The following SNX13 variants were observed in gnomAD, a reference collection of about 807,000 sequenced individuals.
The protein encoded by SNX13 is sorting nexin 13, also known as sorting nexin-13.
A neutral mutation model predicts 133.6 loss-of-function variants in SNX13; 45 were observed. The observed-to-expected ratio is 0.34, with a 90% CI of 0.27 to 0.43. The LOEUF is 0.43. Among genes scored for constraint, SNX13 ranks in the 20% least tolerant of loss-of-function variants. The pLI, the probability that SNX13 is intolerant of heterozygous loss-of-function variation, is 1.00. For missense variants in SNX13, 1,032 were observed against 1,145.1 expected (o/e 0.90, Z 1.43); for synonymous variants, 414 against 373.9 (o/e 1.11, Z -1.24).
At position 17,893,295 on chromosome 7, in the gene SNX13, T is replaced by C. The variant is rs781473006; in HGVS notation, c.228+37A>G. ...TTACTCTATTATCATTGCAAAGAAC[T>C]GGACTTTGAGGTTTTATATTCCCTC... On this transcript the variant is annotated intron_variant, in intron 3 of 25. Transcript: ENST00000428135. 5 of 1,372,336 alleles carry C rather than the reference T, an allele frequency of 3.6e-6. No homozygotes were observed. The African/African-American group carries it at 5.8e-5, about 16-fold the overall frequency. 85.0% of individuals were successfully genotyped at this position (1,372,336 alleles called of 1,614,324 possible).
At chr7:17,861,660 T>A (rs1316614185) in intron 9 of SNX13, among the ~76,000 whole-genome samples, 1 of 152,162 alleles carries the variant, frequency 6.6e-6, no homozygotes, top group Non-Finnish European at 1.5e-5. Flanking sequence ...GATGGACATG[T>A]GTACAACTTC....
chr7:17,916,895 A>C lies in SNX13; in HGVS notation c.13-19449T>G, dbSNP rs549132535. On this transcript the variant is annotated intron_variant, in intron 1 of 25. Transcript: ENST00000428135. ...CTATAGGCCAATATCCCTTATGAAC[A>C]CAGATGCAAAAATCCTCAACAAAAT... Among the ~76,000 whole-genome samples, 72 of 152,306 alleles carry C rather than the reference A, an allele frequency of 4.7e-4. 1 individual carries two copies. The South Asian group carries it at 0.014, about 30-fold the overall frequency.
At chr7:17,803,839 A>G (rs1172688405) in intron 20 of SNX13, among the ~76,000 whole-genome samples, 1 of 145,296 alleles carries the variant, frequency 6.9e-6, no homozygotes, top group African/African-American at 2.5e-5. Flanking sequence ...TGAATCCAGG[A>G]GTTTGAGACC....
chr7:17,860,423 T>C (rs1162541841), intron 9 of SNX13, among the ~76,000 whole-genome samples: 4 of 152,212 alleles, frequency 2.6e-5, no homozygotes, highest in Non-Finnish European at 4.4e-5. Context: ...TTTCTCCCAT[T>C]GTATAGGGTA....
At chr7:17,923,096 A>G (rs964552586) in intron 1 of SNX13, among the ~76,000 whole-genome samples, 1 of 152,226 alleles carries the variant, frequency 6.6e-6, no homozygotes, top group Non-Finnish European at 1.5e-5. Context: ...ACACTCATTT[A>G]AAATATTTAA....
intron 1 of SNX13, among the ~76,000 whole-genome samples, chr7:17,907,570 T>C (rs192379643): frequency 5.3e-5 from 8 of 152,242 alleles, no homozygotes; most frequent in Admixed American, 4.6e-4. Context: ...ATCGGTGGAA[T>C]TGCACACCTG....
intron 1 of SNX13, among the ~76,000 whole-genome samples, chr7:17,937,253 A>T (rs1802197941): frequency 6.6e-6 from 1 of 152,096 alleles, no homozygotes; most frequent in African/African-American, 2.4e-5. Flanking sequence ...CAATGTACAT[A>T]TTAGTTTGCT....
intron 13 of SNX13, among the ~76,000 whole-genome samples, chr7:17,836,115 A>C (rs1337656424): frequency 6.6e-6 from 1 of 152,038 alleles, no homozygotes; most frequent in African/African-American, 2.4e-5. Flanking sequence ...TCAAGTATAC[A>C]GAATAGATTA....
At chr7:17,851,477 T>C (rs570804771) in intron 9 of SNX13, among the ~76,000 whole-genome samples, 2 of 152,130 alleles carry the variant, frequency 1.3e-5, no homozygotes, top group Non-Finnish European at 2.9e-5. Context: ...AAGTGAAATA[T>C]AATATAGTCA....
chr7:17,856,923 CTA>C (rs1223691120), intron 9 of SNX13, among the ~76,000 whole-genome samples: 1 of 150,674 alleles, frequency 6.6e-6, no homozygotes, highest in African/African-American at 2.4e-5. Context: ...GAAATTGAGA[CTA>C]AGAAAACAAT....
intron 8 of SNX13, among the ~76,000 whole-genome samples, chr7:17,871,341 G>A (rs747880779): frequency 1.6e-4 from 24 of 152,172 alleles, no homozygotes; most frequent in Admixed American, 1.1e-3. Flanking sequence ...AAGGACATGA[G>A]AGGCAGGGAG....
chr7:17,880,632 G>A (rs1305039187), intron 5 of SNX13: 1 of 152,142 alleles, frequency 6.6e-6, no homozygotes, highest in Admixed American at 6.5e-5. Flanking sequence ...ATGTAATAGA[G>A]CCTAGTCTTA....
intron 13 of SNX13, among the ~76,000 whole-genome samples, chr7:17,837,558 A>G (rs1205513636): frequency 6.6e-6 from 1 of 152,036 alleles, no homozygotes; most frequent in East Asian, 1.9e-4. Flanking sequence ...TCCAAAAACC[A>G]TATATATGGC....
At chr7:17,934,730 T>A (rs1387505956) in intron 1 of SNX13, among the ~76,000 whole-genome samples, 1 of 152,144 alleles carries the variant, frequency 6.6e-6, no homozygotes, top group African/African-American at 2.4e-5. Context: ...AGGGCTTGAA[T>A]AGACATGTCT....
At position 17,893,390 on chromosome 7, in the gene SNX13, T is replaced by C. The variant is rs375699804; in HGVS notation, c.170A>G (p.Lys57Arg). ...TLLFGKTNSEKYLEQCEHSFL... is the reference protein window; with the variant it reads ...TLLFGKTNSERYLEQCEHSFL... ...TGAGTGTTCACACTGTTCTAGGTACTTCTCTGAGTTTGTTTTTCCAAACAG... is the reference window on the plus strand; with the variant it reads ...TGAGTGTTCACACTGTTCTAGGTACCTCTCTGAGTTTGTTTTTCCAAACAG... Residue 57 changes from lysine to arginine, a missense_variant, in exon 3 of 26, where the codon AAG (lysine) becomes AGG (arginine). Coordinates refer to ENST00000428135, the MANE Select transcript of SNX13 (RefSeq NM_015132.5). 3 of 1,573,906 alleles carry C rather than the reference T, an allele frequency of 1.9e-6. No individual in the cohort carries two copies.
At chr7:17,822,108 A>G (rs568666901) in intron 17 of SNX13, among the ~76,000 whole-genome samples, 49 of 152,302 alleles carry the variant, frequency 3.2e-4, no homozygotes, top group South Asian at 8.3e-4. Context: ...TTTTCAACTA[A>G]ACAGCAACAG....
At chr7:17,814,625 T>C (rs1394708320) in intron 20 of SNX13, among the ~76,000 whole-genome samples, 1 of 152,166 alleles carries the variant, frequency 6.6e-6, no homozygotes, top group Admixed American at 6.6e-5. Flanking sequence ...TATTTCTTCC[T>C]TTCAAGCGTC....
chr7:17,874,650 G>A (rs1447959865), intron 7 of SNX13, among the ~76,000 whole-genome samples: 1 of 152,156 alleles, frequency 6.6e-6, no homozygotes, highest in African/African-American at 2.4e-5. Context: ...TCAACAACTA[G>A]AAGGGCTTTT....
Position 17,893,342 on chromosome 7 carries a change from C to A in SNX13, c.218G>T (p.Gly73Val). 1 of 1,570,086 alleles carries A rather than the reference C, an allele frequency of 6.4e-7. No homozygotes were observed. The highest frequency in any genetic ancestry group is 8.7e-7 in the Non-Finnish European group (1 of 1,155,216). Residue 73 changes from glycine to valine, a missense_variant, in exon 3 of 26, where the codon GGG becomes GTG. Physicochemically the swap from Gly to Val is moderately radical, Grantham distance 109. Coordinates refer to ENST00000428135, the MANE Select transcript of SNX13 (RefSeq NM_015132.5). ...EHSFLPPTSP[G>V]VPKCLEEMKR... ...CCTCAAACGATTTACCTTAGGAACC[C>A]CAGGTGATGTTGGAGGAAGAAATGA...
Sources: allele counts gnomAD v4.1 joint callset (sites outside exome capture counted in the v4.1 genomes callset), GRCh38; gene constraint gnomAD v4.1.1; transcripts MANE v1.5; gene names NCBI Gene and HGNC (gene_info 2026-07-23, HGNC 2026-07-21).